TBC1D4: variants seen among roughly 807,000 people sequenced by gnomAD.
TBC1D4 encodes the protein TBC (Tre-2, BUB2, CDC16) domain-containing protein.
A neutral mutation model predicts 142.5 loss-of-function variants in TBC1D4; 121 were observed. That is an observed-to-expected ratio of 0.85 (90% CI 0.73 to 0.99). The LOEUF (loss-of-function observed/expected upper bound fraction) is 0.99. Among genes scored for constraint, TBC1D4 ranks in the 50% least tolerant of loss-of-function variants. The pLI, the probability that TBC1D4 is intolerant of heterozygous loss-of-function variation, is 0.00. For missense variants in TBC1D4, 1,475 were observed against 1,606.6 expected (o/e 0.92, Z 1.40); for synonymous variants, 630 against 628.2 (o/e 1.00, Z -0.04).
In TBC1D4 at chr13:75,473,878, A is replaced by G. The variant is rs150584516; in HGVS notation, c.498+7392T>C. On this transcript the variant is annotated intron_variant, in intron 1 of 20. Transcript: ENST00000377636. The stretch of plus-strand genomic sequence containing the variant: ...TTCATATACTTTATAATTCAATAAA[A>G]TAAATTCAAATTCATGGTTTACTTG... Among the ~76,000 whole-genome samples, 674 of 152,332 alleles carry G rather than the reference A, an allele frequency of 4.4e-3. 2 individuals are homozygous for G. The highest frequency in any genetic ancestry group is 0.015 in the African/African-American group (641 of 41,582).
chr13:75,368,333 T>C (rs1022842018), intron 1 of TBC1D4, among the ~76,000 whole-genome samples: 23 of 152,334 alleles, frequency 1.5e-4, no homozygotes, highest in Admixed American at 2.0e-4. Context: ...GACTACACTA[T>C]TGGGGCCAAA....
chr13:75,356,263 G>A lies in TBC1D4; in HGVS notation c.1171-12C>T. 6.4e-7 allele frequency: 1 copy of A among 1,569,052 alleles called. No homozygotes were observed. Among genetic ancestry groups the A allele is most frequent in the Non-Finnish European group, 8.8e-7 (1 of 1,139,228 alleles). ...ACATGCTTTATACCCTAGATGGAGG[G>A]GAAGAAGTGCAATAAAAATGTATGG... On this transcript the variant is annotated splice_polypyrimidine_tract_variant and intron_variant, in intron 3 of 20. Coordinates refer to ENST00000377636, the MANE Select transcript of TBC1D4 (RefSeq NM_014832.5).
At chr13:75,413,915 G>A (rs1480305407) in intron 1 of TBC1D4, among the ~76,000 whole-genome samples, 1 of 152,066 alleles carries the variant, frequency 6.6e-6, no homozygotes, top group Non-Finnish European at 1.5e-5. Context: ...CTAGAGCAGG[G>A]TTTCTTGATT....
In TBC1D4 at chr13:75,302,757, T is replaced by C. The variant is rs2137892295; in HGVS notation, c.2753-356A>G. The stretch of plus-strand genomic sequence containing the variant: ...TAGGCAATTACTATTAGGTCCACTT[T>C]ATAGACAGAAAGCTGAGGCAGAAAG... On this transcript the variant is annotated intron_variant, in intron 15 of 20. Transcript: ENST00000377636. The C allele has an allele frequency of 1.3e-5, 4 of 302,738 alleles. No individual in the cohort carries two copies. In the South Asian group the frequency reaches 1.5e-4, roughly 11 times the overall value. 18.8% of individuals were successfully genotyped at this position (302,738 alleles called of 1,614,324 possible). A position where few individuals can be genotyped will look rare whatever the true frequency, so the allele number is the denominator to read the frequency against.
chr13:75,476,110 G>T (rs1469357289), intron 1 of TBC1D4, among the ~76,000 whole-genome samples: 1 of 152,096 alleles, frequency 6.6e-6, no homozygotes, highest in Non-Finnish European at 1.5e-5. Flanking sequence ...GGGCGTGGTG[G>T]TGCACTCCTA....
intron 1 of TBC1D4, 146 bp downstream of exon 1, chr13:75,481,124 G>T: frequency 1.5e-6 from 2 of 1,294,232 alleles, no homozygotes; most frequent in Non-Finnish European, 2.1e-6. Flanking sequence ...GAAGGGGCCA[G>T]CCGGCGCTTG....
chr13:75,343,729 T>A (rs1177049459), intron 5 of TBC1D4, among the ~76,000 whole-genome samples: 3 of 152,226 alleles, frequency 2.0e-5, no homozygotes, highest in Non-Finnish European at 4.4e-5. Flanking sequence ...TTGGTCAGGC[T>A]GGGCTCCAAC....
At chr13:75,317,654 C>A (rs898763316) in intron 12 of TBC1D4, among the ~76,000 whole-genome samples, 2 of 152,156 alleles carry the variant, frequency 1.3e-5, no homozygotes, top group Non-Finnish European at 2.9e-5. Context: ...TTATAAAACT[C>A]CTTCCCAAGA....
intron 11 of TBC1D4, among the ~76,000 whole-genome samples, chr13:75,322,095 T>C (rs1053478072): frequency 1.3e-5 from 2 of 152,190 alleles, no homozygotes; most frequent in Non-Finnish European, 1.5e-5. Flanking sequence ...TGAAGAGAAA[T>C]AGTGGTGTTC....
At chr13:75,328,363 G>C (rs1879451768) in intron 8 of TBC1D4, among the ~76,000 whole-genome samples, 1 of 152,136 alleles carries the variant, frequency 6.6e-6, no homozygotes, top group Admixed American at 6.6e-5. Flanking sequence ...AATTCTGGAA[G>C]ACTAGATATC....
chr13:75,386,865 G>C (rs546863147), intron 1 of TBC1D4, among the ~76,000 whole-genome samples: 1 of 152,142 alleles, frequency 6.6e-6, no homozygotes, highest in South Asian at 2.1e-4. Context: ...AAAAAGTTTT[G>C]TGATCTCCTT....
chr13:75,461,329 T>C (rs1887957854), intron 1 of TBC1D4, among the ~76,000 whole-genome samples: 1 of 152,196 alleles, frequency 6.6e-6, no homozygotes. Flanking sequence ...ACCATCTGTA[T>C]TTATTTGTTC....
At chr13:75,478,341 C>T (rs1403254409) in intron 1 of TBC1D4, among the ~76,000 whole-genome samples, 1 of 152,044 alleles carries the variant, frequency 6.6e-6, no homozygotes, top group Non-Finnish European at 1.5e-5. Context: ...ATAAAATTGT[C>T]CCATATCAAA....
At chr13:75,375,566 G>T (rs1197105154) in intron 1 of TBC1D4, 1 of 152,024 alleles carries the variant, frequency 6.6e-6, no homozygotes, top group East Asian at 1.9e-4. Context: ...GTGTAGTTAG[G>T]GGTTTGGGGC....
intron 1 of TBC1D4, among the ~76,000 whole-genome samples, chr13:75,386,312 T>C (rs1884162415): frequency 6.6e-6 from 1 of 152,214 alleles, no homozygotes; most frequent in African/African-American, 2.4e-5. Flanking sequence ...TTTACCTGGC[T>C]TCACAGTTCT....
intron 12 of TBC1D4, among the ~76,000 whole-genome samples, chr13:75,317,933 G>A (rs1385521028): frequency 6.6e-6 from 1 of 152,140 alleles, no homozygotes; most frequent in Non-Finnish European, 1.5e-5. Context: ...CAAGTCCTTT[G>A]TATATAGGAT....
At chr13:75,289,776 T>G (rs898782969) in intron 19 of TBC1D4, among the ~76,000 whole-genome samples, 4 of 152,116 alleles carry the variant, frequency 2.6e-5, no homozygotes, top group African/African-American at 9.7e-5. Flanking sequence ...ATGTCACCAC[T>G]AAATAGGAAG....
intron 1 of TBC1D4, among the ~76,000 whole-genome samples, chr13:75,442,779 G>GAAA (rs545872938): frequency 3.0e-5 from 4 of 133,530 alleles, no homozygotes; most frequent in Admixed American, 1.5e-4. Flanking sequence ...CTCGGTTTCG[G>GAAA]AAAAAAAAAA....
intron 4 of TBC1D4, among the ~76,000 whole-genome samples, chr13:75,355,079 C>T (rs1328118098): frequency 6.6e-6 from 1 of 152,166 alleles, no homozygotes; most frequent in Non-Finnish European, 1.5e-5. Context: ...TGCCTTTGAA[C>T]AAATTCACTC....
Sources: allele counts gnomAD v4.1 joint callset (sites outside exome capture counted in the v4.1 genomes callset), GRCh38; gene constraint gnomAD v4.1.1; transcripts MANE v1.5; gene names NCBI Gene and HGNC (gene_info 2026-07-23, HGNC 2026-07-21).